The following CSMD1 variants were observed in gnomAD, a reference collection of about 807,000 sequenced individuals.
CSMD1 encodes CUB and Sushi multiple domains 1.
Under a neutral mutation model 417.5 loss-of-function variants are expected in CSMD1, and 213 were observed. That is an observed-to-expected ratio of 0.51 (90% CI 0.46 to 0.57). The LOEUF is 0.57. CSMD1 is among the 20% of genes least tolerant of loss of function. The pLI is 0.00. For missense variants in CSMD1, 6,923 were observed against 4,529.7 expected (o/e 1.53, Z -15.17); for synonymous variants, 2,862 against 1,736.8 (o/e 1.65, Z -16.11).
At chr8:4,867,120 C>T (rs920482905) in intron 1 of CSMD1, among the ~76,000 whole-genome samples, 5 of 152,012 alleles carry the variant, frequency 3.3e-5, no homozygotes, top group Admixed American at 2.6e-4. Context: ...ATATGAACTT[C>T]ATGAACTACA....
At chr8:4,125,770 A>G (rs1802727980) in intron 3 of CSMD1, among the ~76,000 whole-genome samples, 1 of 152,118 alleles carries the variant, frequency 6.6e-6, no homozygotes, top group Admixed American at 6.5e-5. Context: ...GCCCTTATCA[A>G]CTGATAGAGC....
chr8:3,900,860 T>C, intron 5 of CSMD1, among the ~76,000 whole-genome samples: 1 of 152,224 alleles, frequency 6.6e-6, no homozygotes, highest in East Asian at 1.9e-4. Context: ...CATTACTTTT[T>C]CAGCCAGCTG....
At chr8:3,252,605 T>C (rs1409293620) in intron 26 of CSMD1, among the ~76,000 whole-genome samples, 2 of 152,220 alleles carry the variant, frequency 1.3e-5, no homozygotes, top group Non-Finnish European at 2.9e-5. Flanking sequence ...TTCCCTCTTT[T>C]TCTATTGATT....
chr8:3,065,209 A>T (rs1206655707), intron 49 of CSMD1, among the ~76,000 whole-genome samples: 1 of 152,194 alleles, frequency 6.6e-6, no homozygotes, highest in East Asian at 1.9e-4. Context: ...ATATATAGTG[A>T]TAGATAAATG....
chr8:3,822,327 G>A (rs985762434), intron 5 of CSMD1, among the ~76,000 whole-genome samples: 3 of 152,082 alleles, frequency 2.0e-5, no homozygotes, highest in African/African-American at 7.2e-5. Flanking sequence ...AAATATCCCT[G>A]AAATCTTGAC....
At chr8:4,358,023 C>T (rs909448946) in intron 3 of CSMD1, among the ~76,000 whole-genome samples, 1 of 152,066 alleles carries the variant, frequency 6.6e-6, no homozygotes, top group Non-Finnish European at 1.5e-5. Context: ...AACTTCTGTC[C>T]TGAGGAATAC....
Position 2,950,334 on chromosome 8 carries a change from T to G in CSMD1, c.10211A>C (p.Lys3404Thr). The change falls in exon 67 of 70, where the codon AAG (lysine) becomes ACG (threonine). Residue 3404 changes from lysine (K) to threonine (T), a missense_variant. Physicochemically the swap from Lys to Thr is moderately conservative, Grantham distance 78. Coordinates refer to ENST00000635120, the MANE Select transcript of CSMD1 (RefSeq NM_033225.6). Reference protein sequence around the residue: ...PVELKLTGIYKKEEAHLLLKA... With the variant: ...PVELKLTGIYTKEEAHLLLKA... ...CAGGAGTAAGTGGGCCTCCTCCTTC[T>G]TGTAAATGCCTGTGAAAAGATCAGC... 6.2e-7 allele frequency: 1 copy of G among 1,606,332 alleles called. No homozygotes were observed. The highest frequency in any genetic ancestry group is 8.5e-7 in the Non-Finnish European group (1 of 1,173,004).
chr8:4,167,973 C>G (rs1033220439), intron 3 of CSMD1, among the ~76,000 whole-genome samples: 46 of 151,696 alleles, frequency 3.0e-4, no homozygotes, highest in Non-Finnish European at 5.7e-4. Flanking sequence ...ACTAAAAATA[C>G]AAAAAATTAG....
chr8:4,590,061 G>C (rs960215853), intron 2 of CSMD1, among the ~76,000 whole-genome samples: 1 of 152,118 alleles, frequency 6.6e-6, no homozygotes, highest in Non-Finnish European at 1.5e-5. Context: ...TATTTATTTT[G>C]TGGTGGTAAC....
chr8:4,470,505 A>G (rs1800465349), intron 2 of CSMD1, among the ~76,000 whole-genome samples: 1 of 152,216 alleles, frequency 6.6e-6, no homozygotes, highest in African/African-American at 2.4e-5. Flanking sequence ...TGCATCAAAC[A>G]CGGAATTCCT....
chr8:4,311,051 G>C (rs966800276), intron 3 of CSMD1, among the ~76,000 whole-genome samples: 2 of 152,146 alleles, frequency 1.3e-5, no homozygotes, highest in African/African-American at 4.8e-5. Context: ...ACCACTGGTG[G>C]GAGTGTAAAT....
chr8:3,929,571 CATGTT>C (rs1280336598), intron 5 of CSMD1, among the ~76,000 whole-genome samples: 4 of 150,464 alleles, frequency 2.7e-5, no homozygotes, highest in South Asian at 4.3e-4. Flanking sequence ...GGAATGATTT[CATGTT>C]ATAAGATAAA....
intron 1 of CSMD1, among the ~76,000 whole-genome samples, chr8:4,729,541 T>A (rs1021304289): frequency 6.6e-6 from 1 of 152,220 alleles, no homozygotes; most frequent in Non-Finnish European, 1.5e-5. Flanking sequence ...TTTTATGCTG[T>A]TGAGAATGAT....
At chr8:4,057,447 G>A (rs963273969) in intron 3 of CSMD1, among the ~76,000 whole-genome samples, 3 of 152,184 alleles carry the variant, frequency 2.0e-5, no homozygotes, top group Non-Finnish European at 4.4e-5. Flanking sequence ...TTTGTCAGAT[G>A]AGTAGGTTGT....
rs184975391 is a variant in CSMD1 at position 4,661,025 on chromosome 8, C to T, written c.86-23467G>A. 3.2e-4 allele frequency among the ~76,000 whole-genome samples: 48 copies of T among 152,192 alleles called. No homozygotes were observed. In the Middle Eastern group the frequency reaches 0.017, roughly 54 times the overall value. ...CATACATACATTGCTGGTTGGAATG[C>T]AAAATGGCACAGCCACCCCGGGAAA... is the stretch of plus-strand genomic sequence containing the variant. On this transcript the variant is annotated intron_variant, in intron 1 of 69. Transcript: ENST00000635120.
intron 5 of CSMD1, among the ~76,000 whole-genome samples, chr8:3,787,665 T>G (rs1356730879): frequency 6.6e-6 from 1 of 152,192 alleles, no homozygotes; most frequent in Admixed American, 6.5e-5. Context: ...TAATATAATT[T>G]AGTATTGTTT....
intron 2 of CSMD1, among the ~76,000 whole-genome samples, chr8:4,606,971 G>C (rs943732207): frequency 1.3e-5 from 2 of 152,142 alleles, no homozygotes; most frequent in East Asian, 3.9e-4. Flanking sequence ...AAATTGCTAA[G>C]ATGCAAGTTA....
chr8:4,438,446 G>A (rs548451665), intron 2 of CSMD1, among the ~76,000 whole-genome samples: 3 of 152,156 alleles, frequency 2.0e-5, no homozygotes, highest in Non-Finnish European at 4.4e-5. Flanking sequence ...GACGCTGAAT[G>A]TTAACTGGGA....
At chr8:4,468,055 TGTCC>T (rs60052204) in intron 2 of CSMD1, among the ~76,000 whole-genome samples, 15,080 of 151,970 alleles carry the variant, frequency 0.099, 974 homozygotes, top group African/African-American at 0.19. Context: ...CCCTGCCTCC[TGTCC>T]GTCCCTGTCT....
Sources: gnomAD v4.1 joint callset for allele counts (sites outside exome capture counted in the v4.1 genomes callset) on GRCh38, gnomAD v4.1.1 for gene constraint, MANE v1.5 for transcripts, NCBI Gene and HGNC (gene_info 2026-07-23, HGNC 2026-07-21) for gene names.